Variants in GRID2 observed in about 807,000 individuals in gnomAD.
The protein encoded by GRID2 is glutamate ionotropic receptor delta type subunit 2, also known as glutamate receptor ionotropic, delta-2.
Under a neutral mutation model 114.8 loss-of-function variants are expected in GRID2, and 33 were observed. The ratio of observed to expected loss-of-function variants is 0.29; its 90% CI spans 0.22 to 0.38. GRID2 has a LOEUF of 0.38. Ranked by LOEUF, GRID2 falls within the 10% of genes least tolerant of loss-of-function variation. GRID2 has a pLI of 1.00. For missense variants in GRID2, 1,184 were observed against 1,257.7 expected (o/e 0.94, Z 0.89); for synonymous variants, 505 against 449.9 (o/e 1.12, Z -1.55).
chr4:92,409,605 G>A (rs533370580), intron 1 of GRID2, among the ~76,000 whole-genome samples: 1 of 152,180 alleles, frequency 6.6e-6, no homozygotes, highest in Non-Finnish European at 1.5e-5. Flanking sequence ...TAAAGGGATC[G>A]GCTGCTGGTA....
At chr4:93,675,514 G>A (rs573210603) in intron 14 of GRID2, among the ~76,000 whole-genome samples, 7 of 152,222 alleles carry the variant, frequency 4.6e-5, no homozygotes, top group African/African-American at 1.7e-4. Context: ...TTATCATGTA[G>A]GATTTTGTAT....
chr4:92,868,110 C>A (rs1270398785), intron 2 of GRID2, among the ~76,000 whole-genome samples: 1 of 148,514 alleles, frequency 6.7e-6, no homozygotes, highest in African/African-American at 2.5e-5. Flanking sequence ...CTCTTTCTTT[C>A]TTTTTTTAAT....
chr4:93,604,362 G>A (rs984285104), intron 13 of GRID2, among the ~76,000 whole-genome samples: 11 of 152,176 alleles, frequency 7.2e-5, no homozygotes, highest in African/African-American at 2.4e-4. Flanking sequence ...GCCTGACAAC[G>A]TAGCTGAATT....
intron 1 of GRID2, among the ~76,000 whole-genome samples, chr4:92,483,335 C>T (rs1722708789): frequency 6.6e-6 from 1 of 151,980 alleles, no homozygotes. Flanking sequence ...GAGACTCTGT[C>T]TCACAATAAT....
intron 2 of GRID2, among the ~76,000 whole-genome samples, chr4:92,789,435 C>T (rs571968194): frequency 1.2e-3 from 182 of 151,922 alleles, no homozygotes; most frequent in African/African-American, 4.3e-3. Flanking sequence ...GTTGGACACA[C>T]GTTAGATTAT....
At chr4:92,989,973 A>G (rs2149201741) in intron 2 of GRID2, among the ~76,000 whole-genome samples, 1 of 152,296 alleles carries the variant, frequency 6.6e-6, no homozygotes, top group East Asian at 1.9e-4. Flanking sequence ...AAAAACCTAG[A>G]TGGGAGGAAT....
intron 13 of GRID2, among the ~76,000 whole-genome samples, chr4:93,536,233 C>A (rs1732058262): frequency 6.6e-6 from 1 of 151,816 alleles, no homozygotes; most frequent in African/African-American, 2.4e-5. Context: ...CTACGAAAGA[C>A]TACAAATAGC....
chr4:93,305,834 T>C (rs1755360176), intron 8 of GRID2, among the ~76,000 whole-genome samples: 1 of 151,074 alleles, frequency 6.6e-6, no homozygotes, highest in Admixed American at 6.6e-5. Context: ...GTTGTCTGCC[T>C]TGGACATAAT....
chr4:93,665,003 A>G (rs184738174), intron 14 of GRID2, among the ~76,000 whole-genome samples: 1 of 152,354 alleles, frequency 6.6e-6, no homozygotes, highest in East Asian at 1.9e-4. Flanking sequence ...TAACAGTAGA[A>G]GAATTACTTT....
intron 2 of GRID2, among the ~76,000 whole-genome samples, chr4:92,873,378 C>T (rs1745410495): frequency 6.6e-6 from 1 of 151,908 alleles, no homozygotes; most frequent in Non-Finnish European, 1.5e-5. Context: ...AGGATCCAGT[C>T]CCAGCATTTT....
At chr4:93,488,835 C>T (rs1441216276) in intron 11 of GRID2, among the ~76,000 whole-genome samples, 1 of 151,890 alleles carries the variant, frequency 6.6e-6, no homozygotes, top group Non-Finnish European at 1.5e-5. Flanking sequence ...GCATGTGCAT[C>T]CCTGGTGTCT....
At chr4:93,123,275 C>G (rs1733963813) in intron 4 of GRID2, among the ~76,000 whole-genome samples, 1 of 152,160 alleles carries the variant, frequency 6.6e-6, no homozygotes, top group Admixed American at 6.5e-5. Flanking sequence ...ATAAGTCAAT[C>G]ATTTTTATTC....
intron 1 of GRID2, among the ~76,000 whole-genome samples, chr4:92,416,099 T>C (rs1481566288): frequency 6.6e-6 from 1 of 152,072 alleles, no homozygotes; most frequent in Non-Finnish European, 1.5e-5. Context: ...ATGGCCATTC[T>C]TGCAGGAAAA....
rs577908542 is a variant in GRID2 at position 93,511,046 on chromosome 4, C to A, written c.1998-4170C>A. 3.9e-4 allele frequency among the ~76,000 whole-genome samples: 60 copies of A among 152,176 alleles called. No individual in the cohort carries two copies. The South Asian group carries it at 0.012, about 30-fold the overall frequency. ...CCGCCTTCTGGGTTCAAGTGATTCC[C>A]CTGCCTCAGCCTTGTGAGTAGCTGG... On this transcript the variant is annotated intron_variant, in intron 12 of 15. Transcript: ENST00000282020.
chr4:93,056,289 A>G (rs1347417579), intron 2 of GRID2, among the ~76,000 whole-genome samples: 2 of 151,970 alleles, frequency 1.3e-5, no homozygotes, highest in African/African-American at 4.8e-5. Flanking sequence ...GAGGTAGCTG[A>G]CCATGGGGAT....
intron 2 of GRID2, among the ~76,000 whole-genome samples, chr4:92,635,280 GCAGT>G (rs1731013207): frequency 1.3e-5 from 2 of 152,052 alleles, no homozygotes; most frequent in African/African-American, 2.4e-5. Context: ...CTAAAGGAAG[GCAGT>G]CTAGTTTGTT....
intron 2 of GRID2, among the ~76,000 whole-genome samples, chr4:92,982,541 T>C (rs1401819807): frequency 6.6e-6 from 1 of 152,080 alleles, no homozygotes; most frequent in East Asian, 1.9e-4. Context: ...TGGTCCCAAA[T>C]TCTGATTCTT....
At chr4:93,721,742 G>T (rs10004986) in intron 14 of GRID2, among the ~76,000 whole-genome samples, 13,387 of 151,904 alleles carry the variant, frequency 0.088, 652 homozygotes, top group African/African-American at 0.13. Flanking sequence ...GTCTTTAAAA[G>T]ACCTATAATT....
chr4:93,654,732 A>G (rs759160356), intron 14 of GRID2, among the ~76,000 whole-genome samples: 64 of 152,182 alleles, frequency 4.2e-4, no homozygotes, highest in Non-Finnish European at 5.9e-4. Flanking sequence ...CATTCATAAA[A>G]AGGATTGGAA....
Sources: gnomAD v4.1 joint callset for allele counts (sites outside exome capture counted in the v4.1 genomes callset) on GRCh38, gnomAD v4.1.1 for gene constraint, MANE v1.5 for transcripts, NCBI Gene and HGNC (gene_info 2026-07-23, HGNC 2026-07-21) for gene names.